Variants in TBC1D5 observed in about 807,000 individuals in gnomAD.
TBC1D5 encodes the protein TBC1 domain family, member 5.
A neutral mutation model predicts 100.3 loss-of-function variants in TBC1D5; 75 were observed. The observed-to-expected ratio is 0.75, with a 90% confidence interval of 0.62 to 0.91. The LOEUF (loss-of-function observed/expected upper bound fraction) is 0.91, where lower values mean the gene tolerates loss of function less well. TBC1D5 is among the 40% of genes least tolerant of loss of function. TBC1D5 has a pLI of 0.00. For synonymous variants in TBC1D5, 323 were observed against 325.6 expected, an observed-to-expected ratio of 0.99 and a Z score of 0.09; for missense variants, 910 against 942.4, an observed-to-expected ratio of 0.97 and a Z score of 0.45.
intron 15 of TBC1D5, among the ~76,000 whole-genome samples, chr3:17,274,610 T>C (rs373607131): frequency 6.6e-6 from 1 of 152,208 alleles, no homozygotes; most frequent in African/African-American, 2.4e-5. Context: ...TCACTGCAAC[T>C]ATTCCTGTCA....
At chr3:17,726,077 T>C (rs985512167) in intron 1 of TBC1D5, among the ~76,000 whole-genome samples, 4 of 152,376 alleles carry the variant, frequency 2.6e-5, no homozygotes, top group Middle Eastern at 3.4e-3. Flanking sequence ...TGGTATTCCA[T>C]GGTGTGTATG....
intron 16 of TBC1D5, among the ~76,000 whole-genome samples, chr3:17,248,318 T>C (rs1379462929): frequency 3.3e-5 from 5 of 152,170 alleles, no homozygotes; most frequent in Admixed American, 1.3e-4. Context: ...TCTGAGTCAT[T>C]GATGAGTGTT....
intron 12 of TBC1D5, among the ~76,000 whole-genome samples, chr3:17,373,436 T>C (rs901406644): frequency 1.8e-4 from 27 of 152,166 alleles, no homozygotes; most frequent in African/African-American, 5.8e-4. Context: ...TTGTGTAATA[T>C]AATGAGACAA....
intron 1 of TBC1D5, among the ~76,000 whole-genome samples, chr3:17,645,233 TA>T (rs1450197193): frequency 6.6e-6 from 1 of 152,104 alleles, no homozygotes; most frequent in Non-Finnish European, 1.5e-5. Flanking sequence ...AACAGCTTCC[TA>T]TTTTCTCAGA....
At chr3:17,527,939 T>C (rs1045537239) in intron 2 of TBC1D5, among the ~76,000 whole-genome samples, 6 of 152,224 alleles carry the variant, frequency 3.9e-5, no homozygotes, top group Admixed American at 6.5e-5. Context: ...TATATTCTGT[T>C]TTCTTTTTCA....
chr3:17,478,560 C>T (rs1190770482), intron 3 of TBC1D5, among the ~76,000 whole-genome samples: 2 of 152,098 alleles, frequency 1.3e-5, no homozygotes, highest in Non-Finnish European at 2.9e-5. Context: ...TCTTTTAATG[C>T]TATCATGAAT....
chr3:17,332,225 C>T (rs1297606721), intron 13 of TBC1D5, among the ~76,000 whole-genome samples: 1 of 151,908 alleles, frequency 6.6e-6, no homozygotes. Flanking sequence ...AAGATACGGC[C>T]AATGTGATTT....
intron 15 of TBC1D5, among the ~76,000 whole-genome samples, chr3:17,258,863 C>T (rs1185020258): frequency 6.6e-6 from 1 of 151,820 alleles, no homozygotes; most frequent in Non-Finnish European, 1.5e-5. Flanking sequence ...TATAACTTTC[C>T]TAAAATATGA....
At chr3:17,698,181 G>A (rs2072468277) in intron 1 of TBC1D5, among the ~76,000 whole-genome samples, 1 of 152,200 alleles carries the variant, frequency 6.6e-6, no homozygotes, top group African/African-American at 2.4e-5. Context: ...CATGGTACTG[G>A]TCCCAAAACA....
chr3:17,425,145 T>A (rs1251029215), intron 4 of TBC1D5, among the ~76,000 whole-genome samples: 1 of 152,210 alleles, frequency 6.6e-6, no homozygotes, highest in African/African-American at 2.4e-5. Flanking sequence ...GATGACACTG[T>A]CTGGAACAAA....
intron 19 of TBC1D5, among the ~76,000 whole-genome samples, chr3:17,176,099 G>A (rs2067694323): frequency 6.6e-6 from 1 of 152,204 alleles, no homozygotes; most frequent in Non-Finnish European, 1.5e-5. Context: ...ATCAGACAGA[G>A]CTGGGACTGA....
chr3:17,333,827 AAGTG>A (rs2151217447), intron 13 of TBC1D5, among the ~76,000 whole-genome samples: 1 of 152,230 alleles, frequency 6.6e-6, no homozygotes, highest in Non-Finnish European at 1.5e-5. Context: ...AAGCTAGAGA[AAGTG>A]AGTTCAGTAA....
chr3:17,539,760 A>C (rs73160929), intron 2 of TBC1D5, among the ~76,000 whole-genome samples: 10,508 of 152,238 alleles, frequency 0.069, 713 homozygotes, highest in African/African-American at 0.18. Flanking sequence ...TTAGTTTACA[A>C]TTCCATATTT....
chr3:17,316,403 G>A (rs531506917), intron 13 of TBC1D5, among the ~76,000 whole-genome samples: 9 of 152,196 alleles, frequency 5.9e-5, no homozygotes, highest in South Asian at 2.1e-4. Context: ...GTAATCAAGC[G>A]TATGAGCCCT....
intron 12 of TBC1D5, among the ~76,000 whole-genome samples, chr3:17,374,197 TATA>T (rs1295870754): frequency 6.6e-6 from 1 of 151,988 alleles, no homozygotes; most frequent in Non-Finnish European, 1.5e-5. Context: ...GCAAGAGAAA[TATA>T]ATAATTTTGT....
At chr3:17,203,916 G>C (rs1259720887) in intron 18 of TBC1D5, among the ~76,000 whole-genome samples, 1 of 152,202 alleles carries the variant, frequency 6.6e-6, no homozygotes, top group Non-Finnish European at 1.5e-5. Context: ...TCTGGGTATA[G>C]AAGCTCTAGC....
intron 1 of TBC1D5, among the ~76,000 whole-genome samples, chr3:17,648,173 G>C (rs936066368): frequency 6.6e-6 from 1 of 152,098 alleles, no homozygotes; most frequent in South Asian, 2.1e-4. Flanking sequence ...AAGAAATAGG[G>C]CCGCACATCT....
At chr3:17,468,199 A>G (rs1344086025) in intron 3 of TBC1D5, among the ~76,000 whole-genome samples, 3 of 152,176 alleles carry the variant, frequency 2.0e-5, no homozygotes, top group Non-Finnish European at 4.4e-5. Flanking sequence ...TCTAACATCA[A>G]TTGAAGATTA....
intron 1 of TBC1D5, among the ~76,000 whole-genome samples, chr3:17,653,161 T>G (rs914716636): frequency 6.6e-6 from 1 of 152,036 alleles, no homozygotes; most frequent in African/African-American, 2.4e-5. Flanking sequence ...GGGAGGAGTA[T>G]GGGGACAGGT....
Sources: allele counts gnomAD v4.1 joint callset (sites outside exome capture counted in the v4.1 genomes callset), GRCh38; gene constraint gnomAD v4.1.1; transcripts MANE v1.5; gene names NCBI Gene and HGNC (gene_info 2026-07-23, HGNC 2026-07-21).